Variants in DAB1 observed in about 807,000 individuals in gnomAD.
DAB1 encodes the protein disabled homolog 1.
DAB1 carries 15 observed loss-of-function variants against 64.6 expected under a neutral mutation model. The observed-to-expected ratio is 0.23, with a 90% CI of 0.16 to 0.36. The LOEUF is 0.36. DAB1 is among the 10% of genes least tolerant of loss of function. DAB1 has a pLI of 1.00. For missense variants in DAB1, 596 were observed against 706.7 expected (o/e 0.84, Z 1.78); for synonymous variants, 235 against 251.9 (o/e 0.93, Z 0.64).
At chr1:57,421,526 C>T (rs1038198584) in intron 1 of DAB1, among the ~76,000 whole-genome samples, 2 of 152,292 alleles carry the variant, frequency 1.3e-5, no homozygotes, top group Non-Finnish European at 2.9e-5. Flanking sequence ...ATGGTCACAA[C>T]ATATTTGCAC....
chr1:58,355,458 T>A (rs1644101052), intron 3 of DAB1, among the ~76,000 whole-genome samples: 1 of 152,196 alleles, frequency 6.6e-6, no homozygotes, highest in South Asian at 2.1e-4. Flanking sequence ...CCATCACTAT[T>A]TTCTCTCAAG....
intron 6 of DAB1, among the ~76,000 whole-genome samples, chr1:57,751,397 A>T (rs1184474295): frequency 6.6e-6 from 1 of 152,072 alleles, no homozygotes; most frequent in African/African-American, 2.4e-5. Flanking sequence ...TGGGTCTATA[A>T]GGGGAGACAA....
chr1:58,488,304 G>A (rs901497642), intron 3 of DAB1, among the ~76,000 whole-genome samples: 1 of 152,048 alleles, frequency 6.6e-6, no homozygotes, highest in African/African-American at 2.4e-5. Context: ...CTGATGATTG[G>A]AACCATAACT....
At chr1:57,890,456 CT>C (rs71246207) in intron 5 of DAB1, among the ~76,000 whole-genome samples, 1,432 of 136,532 alleles carry the variant, frequency 0.01, 11 homozygotes, top group African/African-American at 0.036. Context: ...CTTTTCTTTT[CT>C]TTTTTTTTTT....
intron 3 of DAB1, among the ~76,000 whole-genome samples, chr1:58,400,996 G>T (rs570126707): frequency 6.6e-6 from 1 of 152,286 alleles, no homozygotes; most frequent in South Asian, 2.1e-4. Context: ...ATCAGAAAGT[G>T]CTGCATTTGA....
Position 57,561,612 on chromosome 1 carries a change from G to A in DAB1, n.625+87980C>T, listed in dbSNP as rs547711292. On this transcript the variant is annotated intron_variant and non_coding_transcript_variant, in intron 7 of 20. Transcript: ENST00000485760. ...CAGATGAGGATTTTAATAATCAAGT[G>A]GATAGGATGACCTGTTCTGTGGACA... Among the ~76,000 whole-genome samples, 34 of 152,180 alleles carry A rather than the reference G, an allele frequency of 2.2e-4. 1 individual carries two copies. Among genetic ancestry groups the A allele is most frequent in the Admixed American group, 1.2e-3 (18 of 15,280 alleles).
At chr1:57,877,129 A>G (rs1212011295) in intron 1 of DAB1, among the ~76,000 whole-genome samples, 1 of 152,110 alleles carries the variant, frequency 6.6e-6, no homozygotes, top group East Asian at 1.9e-4. Context: ...TACTATAAGG[A>G]AGGTATTATT....
intron 5 of DAB1, among the ~76,000 whole-genome samples, chr1:57,919,644 G>A (rs1644780872): frequency 6.6e-6 from 1 of 152,146 alleles, no homozygotes; most frequent in African/African-American, 2.4e-5. Context: ...CTATGGAACT[G>A]TCTTCATTTG....
At chr1:57,144,180 T>G (rs936509476) in intron 3 of DAB1, among the ~76,000 whole-genome samples, 5 of 152,038 alleles carry the variant, frequency 3.3e-5, no homozygotes, top group African/African-American at 9.7e-5. Context: ...TTTCAAAATA[T>G]TCCATAATGC....
chr1:57,823,829 T>C (rs1046683006), downstream of DAB1, among the ~76,000 whole-genome samples: 1 of 152,102 alleles, frequency 6.6e-6, no homozygotes, highest in South Asian at 2.1e-4. Context: ...GCCCACTTTA[T>C]GGATGAGGAA....
At chr1:58,344,319 G>C (rs1341136135) in intron 3 of DAB1, among the ~76,000 whole-genome samples, 6 of 152,142 alleles carry the variant, frequency 3.9e-5, no homozygotes, top group Admixed American at 3.9e-4. Context: ...GTGATTAAAG[G>C]GGTAAGAGAG....
chr1:57,333,640 G>A (rs1163493933), intron 1 of DAB1, among the ~76,000 whole-genome samples: 1 of 152,182 alleles, frequency 6.6e-6, no homozygotes, highest in African/African-American at 2.4e-5. Flanking sequence ...TCCTCTCAAA[G>A]CCACTCCAGC....
chr1:57,983,720 A>T (rs1051416825), intron 5 of DAB1, among the ~76,000 whole-genome samples: 1 of 152,196 alleles, frequency 6.6e-6, no homozygotes, highest in African/African-American at 2.4e-5. Context: ...GGACTTGAAA[A>T]TAGAATGTCT....
intron 5 of DAB1, among the ~76,000 whole-genome samples, chr1:58,113,536 T>C (rs555533479): frequency 6.6e-6 from 1 of 152,300 alleles, no homozygotes; most frequent in East Asian, 1.9e-4. Flanking sequence ...AAAAAACTTC[T>C]GTGTAATGAG....
intron 5 of DAB1, among the ~76,000 whole-genome samples, chr1:58,023,080 G>A (rs909655118): frequency 8.5e-5 from 13 of 152,092 alleles, no homozygotes; most frequent in African/African-American, 2.7e-4. Context: ...CTTTCCCCAA[G>A]TGCCCTTACA....
chr1:58,203,916 T>A (rs1426494767), intron 4 of DAB1, among the ~76,000 whole-genome samples: 1 of 152,190 alleles, frequency 6.6e-6, no homozygotes, highest in African/African-American at 2.4e-5. Context: ...AACAAATAGC[T>A]AAATGAATGT....
At chr1:58,235,463 A>G (rs1166911284) in intron 4 of DAB1, among the ~76,000 whole-genome samples, 1 of 152,224 alleles carries the variant, frequency 6.6e-6, no homozygotes, top group Non-Finnish European at 1.5e-5. Flanking sequence ...AGTTCTACCA[A>G]TGTGAGAGCC....
intron 5 of DAB1, among the ~76,000 whole-genome samples, chr1:57,975,938 C>A (rs764047709): frequency 2.0e-5 from 3 of 152,176 alleles, no homozygotes; most frequent in Non-Finnish European, 4.4e-5. Context: ...CTAAGGGCAG[C>A]CAGCAATACT....
chr1:58,296,307 A>G (rs1457997295), intron 4 of DAB1, among the ~76,000 whole-genome samples: 4 of 152,202 alleles, frequency 2.6e-5, no homozygotes, highest in Non-Finnish European at 5.9e-5. Flanking sequence ...CCACAGTGGT[A>G]TAGAGCCTTC....
Sources: allele counts gnomAD v4.1 joint callset (sites outside exome capture counted in the v4.1 genomes callset), GRCh38; gene constraint gnomAD v4.1.1; transcripts MANE v1.5; gene names NCBI Gene and HGNC (gene_info 2026-07-23, HGNC 2026-07-21).